XPNPEP3: variants seen among roughly 807,000 people sequenced by gnomAD.
XPNPEP3 encodes xaa-Pro aminopeptidase 3.
Under a neutral mutation model 60.0 loss-of-function variants are expected in XPNPEP3, and 41 were observed. The ratio of observed to expected loss-of-function variants is 0.68; its 90% CI spans 0.53 to 0.89. The LOEUF is 0.89. XPNPEP3 is among the 40% of genes least tolerant of loss of function. XPNPEP3 has a pLI of 0.00. For synonymous variants in XPNPEP3, 212 were observed against 223.2 expected, an observed-to-expected ratio of 0.95 and a Z score of 0.45; for missense variants, 598 against 638.9, an observed-to-expected ratio of 0.94 and a Z score of 0.69.
intron 1 of XPNPEP3, among the ~76,000 whole-genome samples, chr22:40,865,606 G>A (rs2057974543): frequency 6.6e-6 from 1 of 150,490 alleles, no homozygotes; most frequent in Non-Finnish European, 1.5e-5. Flanking sequence ...GGGATTACAG[G>A]TGTGAGCCAC....
chr22:40,908,586 C>A (rs2058165238), intron 5 of XPNPEP3, among the ~76,000 whole-genome samples: 1 of 152,176 alleles, frequency 6.6e-6, no homozygotes, highest in Non-Finnish European at 1.5e-5. Context: ...CATCCTGTAT[C>A]CTGGAACGTA....
chr22:40,857,358 C>A, intron 1 of XPNPEP3, 113 bp downstream of exon 1: 2 of 1,185,460 alleles, frequency 1.7e-6, no homozygotes, highest in Non-Finnish European at 2.5e-6. Context: ...CTCCGCTCCC[C>A]AACCCTCTGT....
chr22:40,922,448 C>G lies in XPNPEP3; in HGVS notation c.1171C>G (p.Leu391Val), dbSNP rs1335239562. 1 of 1,613,998 alleles carries G rather than the reference C, an allele frequency of 6.2e-7. No homozygotes were observed. The highest frequency in any genetic ancestry group is 1.1e-5 in the South Asian group (1 of 91,076). ...GAACATCTACAGCATGATGCTGACC[C>G]TGATAGGACAGAAGCTTAAAGACTT... Reference protein sequence around the residue: ...LENIYSMMLTLIGQKLKDLGI... With the variant: ...LENIYSMMLTVIGQKLKDLGI... The change falls in exon 8 of 10, where the codon CTG becomes GTG. Residue 391 changes from leucine to valine, a missense_variant. Coordinates refer to ENST00000357137, the MANE Select transcript of XPNPEP3 (RefSeq NM_022098.4).
intron 7 of XPNPEP3, among the ~76,000 whole-genome samples, chr22:40,921,638 A>G (rs2058217075): frequency 6.6e-6 from 1 of 152,174 alleles, no homozygotes; most frequent in African/African-American, 2.4e-5. Flanking sequence ...CTAATAATTT[A>G]CAATTATAAA....
intron 4 of XPNPEP3, among the ~76,000 whole-genome samples, chr22:40,903,193 C>T (rs1453241036): frequency 1.3e-5 from 2 of 152,220 alleles, no homozygotes; most frequent in African/African-American, 4.8e-5. Flanking sequence ...AGCAGAACAG[C>T]TCAGGCTAAT....
At chr22:40,924,823 A>G (rs1282917467) in intron 9 of XPNPEP3, among the ~76,000 whole-genome samples, 3 of 152,086 alleles carry the variant, frequency 2.0e-5, no homozygotes, top group Admixed American at 2.0e-4. Context: ...GCCCAGCCAC[A>G]TTGTTTATTT....
chr22:40,885,942 A>C (rs1434086328), intron 3 of XPNPEP3, among the ~76,000 whole-genome samples: 4 of 152,188 alleles, frequency 2.6e-5, no homozygotes, highest in Admixed American at 2.6e-4. Context: ...AGATTGTGCC[A>C]CTGCACTCCA....
intron 4 of XPNPEP3, among the ~76,000 whole-genome samples, chr22:40,903,014 C>G (rs905909662): frequency 6.6e-6 from 1 of 152,118 alleles, no homozygotes; most frequent in Non-Finnish European, 1.5e-5. Flanking sequence ...TAGGCATATC[C>G]CTGCTACATA....
At position 40,860,676 on chromosome 22, in the gene XPNPEP3, A is replaced by G. The variant is rs5758111; in HGVS notation, c.64+3431A>G. 1.5e-3 allele frequency: 1,845 copies of G among 1,218,696 alleles called. 46 individuals are homozygous for G. In the East Asian group the frequency reaches 0.033, roughly 22 times the overall value. The allele number at this position is 1,218,696 out of a possible 1,614,324, so 75.5% of individuals were successfully genotyped here. ...AATTCCTTTTTTTTTTTTTTAAGAC[A>G]GGGTCTTACTTTGTCACCCAAGCTG... On this transcript the variant is annotated intron_variant, in intron 1 of 9. Coordinates refer to ENST00000357137, the MANE Select transcript of XPNPEP3 (RefSeq NM_022098.4).
chr22:40,885,427 T>A (rs1051697708), intron 3 of XPNPEP3, among the ~76,000 whole-genome samples: 2 of 152,202 alleles, frequency 1.3e-5, no homozygotes, highest in African/African-American at 4.8e-5. Context: ...AAAGCTGAAC[T>A]GTGATTGTTT....
intron 4 of XPNPEP3, among the ~76,000 whole-genome samples, chr22:40,903,436 A>G (rs953865213): frequency 1.3e-5 from 2 of 151,764 alleles, no homozygotes; most frequent in Admixed American, 1.3e-4. Context: ...AGCAAAGACT[A>G]CTTAATACTT....
intron 1 of XPNPEP3, chr22:40,861,604 T>G: frequency 6.2e-7 from 1 of 1,613,028 alleles, no homozygotes; most frequent in Non-Finnish European, 8.5e-7. Context: ...GCATCTCTGT[T>G]TCTGTTTCCA....
chr22:40,880,787 C>CAA (rs35246385), intron 2 of XPNPEP3, among the ~76,000 whole-genome samples: 23 of 74,730 alleles, frequency 3.1e-4, no homozygotes, highest in Admixed American at 4.9e-4. Flanking sequence ...GACTCCCTCT[C>CAA]AAAAAAAAAA....
chr22:40,868,890 T>C (rs947737696), intron 1 of XPNPEP3, 109 bp from the exon 2 acceptor site: 8 of 859,218 alleles, frequency 9.3e-6, no homozygotes, highest in Admixed American at 3.6e-5. Context: ...GAAGGAAATA[T>C]TAGTTTGCAT....
intron 1 of XPNPEP3, chr22:40,862,154 T>G (rs887461415): frequency 4.2e-5 from 61 of 1,436,644 alleles, no homozygotes; most frequent in Non-Finnish European, 5.1e-5. Context: ...ATGAGGATAC[T>G]GATTATGTGG....
chr22:40,918,258 C>T (rs577351479), intron 7 of XPNPEP3, among the ~76,000 whole-genome samples: 1 of 152,188 alleles, frequency 6.6e-6, no homozygotes, highest in African/African-American at 2.4e-5. Flanking sequence ...CCTGTAATCC[C>T]AGCTACTTAG....
At chr22:40,905,498 A>T (rs1240717680) in intron 4 of XPNPEP3, among the ~76,000 whole-genome samples, 3 of 152,126 alleles carry the variant, frequency 2.0e-5, no homozygotes, top group African/African-American at 4.8e-5. Flanking sequence ...ATCCATGCTC[A>T]CTCTTCACAG....
intron 3 of XPNPEP3, among the ~76,000 whole-genome samples, chr22:40,885,659 T>G (rs1430173862): frequency 2.0e-5 from 3 of 152,246 alleles, no homozygotes; most frequent in South Asian, 2.1e-4. Flanking sequence ...TCTAGCTCAG[T>G]AAGTGGTGGT....
At chr22:40,887,538 A>G (rs1254627005) in intron 4 of XPNPEP3, among the ~76,000 whole-genome samples, 1 of 152,164 alleles carries the variant, frequency 6.6e-6, no homozygotes, top group Non-Finnish European at 1.5e-5. Flanking sequence ...GTGTCCTTAC[A>G]TGACAGTGAA....
Sources: gnomAD v4.1 joint callset for allele counts (sites outside exome capture counted in the v4.1 genomes callset) on GRCh38, gnomAD v4.1.1 for gene constraint, MANE v1.5 for transcripts, NCBI Gene and HGNC (gene_info 2026-07-23, HGNC 2026-07-21) for gene names.